The following ERCC3 variants were observed in gnomAD, a reference collection of about 807,000 sequenced individuals.
The protein encoded by ERCC3 is ERCC excision repair 3, TFIIH core complex helicase subunit, also known as general transcription and DNA repair factor IIH helicase/translocase subunit XPB.
Under a neutral mutation model 94.2 loss-of-function variants are expected in ERCC3, and 66 were observed. That is an observed-to-expected ratio of 0.70 (90% confidence interval 0.57 to 0.86). The LOEUF (loss-of-function observed/expected upper bound fraction) is 0.86, where lower values mean the gene tolerates loss of function less well. ERCC3 is among the 40% of genes least tolerant of loss of function. ERCC3 has a pLI of 0.00. For synonymous variants in ERCC3, 349 were observed against 369.1 expected, an observed-to-expected ratio of 0.95 and a Z score of 0.63; for missense variants, 829 against 987.1, an observed-to-expected ratio of 0.84 and a Z score of 2.15.
At chr2:127,285,947 T>C (rs1158868075) in intron 8 of ERCC3, among the ~76,000 whole-genome samples, 1 of 151,844 alleles carries the variant, frequency 6.6e-6, no homozygotes, top group Admixed American at 6.6e-5. Flanking sequence ...CAAGGGGTGA[T>C]TTTATGGTAT....
In ERCC3 at chr2:127,266,333, CTTTTTTTTTT is replaced by C. The variant is rs58029182; in HGVS notation, c.1945+4993_1946-4988del. Among the ~76,000 whole-genome samples, 146 of 111,342 alleles carry C rather than the reference CTTTTTTTTTT, an allele frequency of 1.3e-3. 2 individuals are homozygous for C. The highest frequency in any genetic ancestry group is 1.9e-3 in the Non-Finnish European group (106 of 57,026). 73.0% of individuals were successfully genotyped at this position (111,342 alleles called of 152,430 possible). On this transcript the variant is annotated intron_variant, in intron 12 of 14. Transcript: ENST00000285398. ...TTCGACTTTTTTGAATTTATTGAGT[CTTTTTTTTTT>C]TTTTTTTTTTTTGAGAGAGTCTCGC...
chr2:127,285,982 T>TA (rs11383326), intron 8 of ERCC3, among the ~76,000 whole-genome samples: 52,888 of 149,494 alleles, frequency 0.35, 9,917 homozygotes, highest in East Asian at 0.61. Context: ...TAGAGCAGCT[T>TA]AAAAAAAAAA....
chr2:127,270,490 A>C (rs985551150), intron 12 of ERCC3, among the ~76,000 whole-genome samples: 2 of 152,216 alleles, frequency 1.3e-5, no homozygotes, highest in African/African-American at 4.8e-5. Context: ...TTTCTAGTCC[A>C]TGCTATCTGC....
chr2:127,259,517 TG>T lies in ERCC3; in HGVS notation c.2065-70del. ...TCCCCAGCCCTCCTCTGCCTTCTCC[TG>T]GGTCCACCTGCTTTGGTCACTTCCC... On this transcript the variant is annotated intron_variant, in intron 13 of 14. Transcript: ENST00000285398. This position sits in a 1 kb window ranked among gnomAD's most constrained non-coding sequence, Gnocchi z 4.9. 6.2e-7 allele frequency: 1 copy of T among 1,601,276 alleles called. No homozygotes were observed.
intron 12 of ERCC3, chr2:127,262,206 T>C (rs1219851408): frequency 6.6e-6 from 1 of 152,276 alleles, no homozygotes; most frequent in Non-Finnish European, 1.5e-5. Flanking sequence ...GAAAACATTA[T>C]GCTGCCGGGT....
chr2:127,271,627 G>T lies in ERCC3; in HGVS notation c.1828-174C>A, dbSNP rs574401807. Among the ~76,000 whole-genome samples, 1 of 152,154 alleles carries T rather than the reference G, an allele frequency of 6.6e-6. No homozygotes were observed. Among genetic ancestry groups the T allele is most frequent in the Admixed American group, 6.6e-5 (1 of 15,266 alleles). ...AGGTGAAGCAATAAACCTCAGAAAG[G>T]CATCTCTGGGTCTCCAGGACCTTGT... On this transcript the variant is annotated intron_variant, in intron 11 of 14. Transcript: ENST00000285398. The surrounding 1 kb of genome is among the most constrained non-coding windows in gnomAD (Gnocchi z 5.0).
In ERCC3 at chr2:127,264,764, G is replaced by C. The variant is rs1684303784; in HGVS notation, c.1946-3418C>G. On this transcript the variant is annotated intron_variant, in intron 12 of 14. Transcript: ENST00000285398. This position sits in a 1 kb window ranked among gnomAD's most constrained non-coding sequence, Gnocchi z 4.4. ...GATAGTGGTTTCGTAGTATGAGTTA[G>C]GAAGAAGTCTCTCCTCCTCAATTTT... 6.6e-6 allele frequency among the ~76,000 whole-genome samples: 1 copy of C among 152,052 alleles called. No individual in the cohort carries two copies. The highest frequency in any genetic ancestry group is 2.4e-5 in the African/African-American group (1 of 41,390).
Position 127,259,096 on chromosome 2 carries a change from C to T in ERCC3, c.2217+200G>A, listed in dbSNP as rs1389775627. Reference sequence around the variant, plus strand: ...GGAGACCAGTCACAGCCACTGTGAGCTCAGCTGTGTGCAACAGTACAAGGG... The same window carrying T: ...GGAGACCAGTCACAGCCACTGTGAGTTCAGCTGTGTGCAACAGTACAAGGG... On this transcript the variant is annotated intron_variant, in intron 14 of 14. Coordinates refer to ENST00000285398, the MANE Select transcript of ERCC3 (RefSeq NM_000122.2). The surrounding 1 kb of genome is among the most constrained non-coding windows in gnomAD (Gnocchi z 4.9). Among the ~76,000 whole-genome samples, 1 of 152,170 alleles carries T rather than the reference C, an allele frequency of 6.6e-6. No homozygotes were observed. Among genetic ancestry groups the T allele is most frequent in the Non-Finnish European group, 1.5e-5 (1 of 68,030 alleles).
At position 127,261,328 on chromosome 2, in the gene ERCC3, T is replaced by C; in HGVS notation, c.1964A>G (p.Tyr655Cys). 1.2e-6 allele frequency: 2 copies of C among 1,607,882 alleles called. No individual in the cohort carries two copies. The highest frequency in any genetic ancestry group is 1.7e-6 in the Non-Finnish European group (2 of 1,174,314). Reference protein sequence around the residue: ...RAKKGMVAEEYNAFFYSLVSQ... With the variant: ...RAKKGMVAEECNAFFYSLVSQ... ...TACCAGTGAGTAGAAAAAGGCATTG[T>C]ACTCTTCTGCAACCATCCCTGCAGG... Residue 655 changes from tyrosine to cysteine, a missense_variant, in exon 13 of 15, where the codon TAC becomes TGC. Tyr to Cys is a radical substitution (Grantham distance 194). Coordinates refer to ENST00000285398, the MANE Select transcript of ERCC3 (RefSeq NM_000122.2).
chr2:127,269,801 T>A (rs1684493483), intron 12 of ERCC3, among the ~76,000 whole-genome samples: 1 of 151,278 alleles, frequency 6.6e-6, no homozygotes, highest in Non-Finnish European at 1.5e-5. Flanking sequence ...GAGGCCAAGG[T>A]GGGTGGATCA....
rs1210571238 is a variant in ERCC3, at chr2:127,291,333, C to T, written c.472-1060G>A. Among the ~76,000 whole-genome samples the T allele has an allele frequency of 6.6e-6, 1 of 152,074 alleles. No homozygotes were observed. The highest frequency in any genetic ancestry group is 2.4e-5 in the African/African-American group (1 of 41,412). ...TGCAATGAATGGTGAGATCTCAGCT[C>T]ACTTCAACCTCTGCCGCCCGGGTTC... On this transcript the variant is annotated intron_variant, in intron 3 of 14. Coordinates refer to ENST00000285398, the MANE Select transcript of ERCC3 (RefSeq NM_000122.2). This position sits in a 1 kb window ranked among gnomAD's most constrained non-coding sequence, Gnocchi z 4.9.
chr2:127,294,058 G>C lies in ERCC3; in HGVS notation c.24C>G (p.Asp8Glu), dbSNP rs2104784345. Residue 8 changes from aspartate to glutamate, a missense_variant, in exon 1 of 15, where the codon GAC (aspartate) becomes GAG (glutamate). By Grantham distance (45) the Asp-to-Glu change is conservative (BLOSUM62 2). Transcript: ENST00000285398. ...CGTGCCCGCGCAACGTCTCACCGCG[G>C]TCCGCTCGGTCTCTTTTGCCCATGG... The part of the protein sequence containing the change: MGKRDRA[D>E]RDKKKSRKRH... 3 of 1,607,402 alleles carry C rather than the reference G, an allele frequency of 1.9e-6. No homozygotes were observed. Among genetic ancestry groups the C allele is most frequent in the Non-Finnish European group, 2.5e-6 (3 of 1,179,420 alleles).
chr2:127,287,546 A>G (rs949254281), intron 7 of ERCC3, among the ~76,000 whole-genome samples: 1 of 152,180 alleles, frequency 6.6e-6, no homozygotes, highest in African/African-American at 2.4e-5. Flanking sequence ...AGGCAGGAGA[A>G]TATCTTGAAC....
chr2:127,281,766 C>G (rs931295091), intron 8 of ERCC3, among the ~76,000 whole-genome samples: 6 of 151,960 alleles, frequency 3.9e-5, no homozygotes, highest in African/African-American at 1.4e-4. Flanking sequence ...CACACACACA[C>G]AAACACACAC....
intron 10 of ERCC3, among the ~76,000 whole-genome samples, chr2:127,278,054 A>T (rs1205274175): frequency 2.6e-5 from 4 of 152,090 alleles, no homozygotes; most frequent in Admixed American, 6.5e-5. Flanking sequence ...AGCCTGGGCA[A>T]CATAGCAAAA....
chr2:127,289,899 G>T, intron 4 of ERCC3, 75 bp from the exon 5 acceptor site: 1 of 1,524,486 alleles, frequency 6.6e-7, no homozygotes, highest in Non-Finnish European at 9.1e-7. Flanking sequence ...CATTCAATTA[G>T]ATGGTCTGGA....
At position 127,271,752 on chromosome 2, in the gene ERCC3, G is replaced by A. The variant is rs1684559552; in HGVS notation, c.1828-299C>T. 6.6e-6 allele frequency among the ~76,000 whole-genome samples: 1 copy of A among 152,140 alleles called. No individual in the cohort carries two copies. The highest frequency in any genetic ancestry group is 1.5e-5 in the Non-Finnish European group (1 of 68,028). On this transcript the variant is annotated intron_variant, in intron 11 of 14. Transcript: ENST00000285398. This position sits in a 1 kb window ranked among gnomAD's most constrained non-coding sequence, Gnocchi z 5.0. ...CCAGAGATGAGAGGGCCCTTGAACA[G>A]AGACTGACTTTGAGTCATTCATTTT...
intron 1 of ERCC3, 162 bp downstream of exon 1, chr2:127,293,892 C>G: frequency 6.6e-7 from 1 of 1,525,398 alleles, no homozygotes; most frequent in Non-Finnish European, 8.8e-7. Context: ...GGGCTGCGCC[C>G]AGGTCCAGCA....
chr2:127,283,314 C>T (rs1684973979), intron 8 of ERCC3, among the ~76,000 whole-genome samples: 2 of 152,272 alleles, frequency 1.3e-5, no homozygotes, highest in South Asian at 2.1e-4. Flanking sequence ...CAGCACTATA[C>T]TGTCGTTGTA....
Sources: allele counts gnomAD v4.1 joint callset (sites outside exome capture counted in the v4.1 genomes callset), GRCh38; gene constraint gnomAD v4.1.1; non-coding constraint Gnocchi (gnomAD v3.1); transcripts MANE v1.5; gene names NCBI Gene and HGNC (gene_info 2026-07-23, HGNC 2026-07-21).